Variants in NTN1 observed in about 807,000 individuals in gnomAD.
NTN1 encodes netrin 1.
NTN1 carries 11 observed loss-of-function variants against 54.2 expected under a neutral mutation model. The ratio of observed to expected loss-of-function variants is 0.20; its 90% CI spans 0.13 to 0.34. The LOEUF (loss-of-function observed/expected upper bound fraction) is 0.34, where lower values mean the gene tolerates loss of function less well. Among genes scored for constraint, NTN1 ranks in the 10% least tolerant of loss-of-function variants. The probability of loss-of-function intolerance (pLI) is 1.00; values close to 1 mark genes in which losing one functional copy is unlikely to be tolerated. For synonymous variants in NTN1, 371 were observed against 382.0 expected, an observed-to-expected ratio of 0.97 and a Z score of 0.33; for missense variants, 740 against 893.1, an observed-to-expected ratio of 0.83 and a Z score of 2.18.
At chr17:9,220,788 C>T (rs998647363) in intron 5 of NTN1, among the ~76,000 whole-genome samples, 2 of 152,168 alleles carry the variant, frequency 1.3e-5, no homozygotes, top group African/African-American at 2.4e-5. Flanking sequence ...ACCCAGGGCG[C>T]GGGGTGACAA....
At chr17:9,109,061 G>C (rs905050323) in intron 2 of NTN1, among the ~76,000 whole-genome samples, 1 of 152,054 alleles carries the variant, frequency 6.6e-6, no homozygotes, top group Non-Finnish European at 1.5e-5. Flanking sequence ...ATTTTTAGTA[G>C]AGACGGGGTT....
chr17:9,004,967 A>G, the NTN1 span, among the ~76,000 whole-genome samples: 3 of 152,182 alleles, frequency 2.0e-5, no homozygotes, highest in East Asian at 5.8e-4. Context: ...TTCTGAGTGG[A>G]AGTCATCCCT....
chr17:9,005,413 G>A, the NTN1 span, among the ~76,000 whole-genome samples: 9 of 151,302 alleles, frequency 5.9e-5, no homozygotes, highest in Non-Finnish European at 1.2e-4. Context: ...ACTTCCAACC[G>A]CCCCCACCCC....
chr17:9,092,479 A>T (rs1229182454), intron 2 of NTN1, among the ~76,000 whole-genome samples: 1 of 148,544 alleles, frequency 6.7e-6, no homozygotes. Context: ...TAGTAGAGAC[A>T]GGGTTTCATG....
At chr17:9,021,427 G>A (rs1339363847), upstream of NTN1, 1 of 151,502 alleles carries the variant, frequency 6.6e-6, no homozygotes, top group East Asian at 2.0e-4. Context: ...TTTGCTCGGA[G>A]CTGGCGGCAG....
At chr17:9,179,711 A>G in intron 3 of NTN1, 96 bp from the exon 4 acceptor site, 2 of 1,423,044 alleles carry the variant, frequency 1.4e-6, no homozygotes, top group South Asian at 1.4e-5. Flanking sequence ...CCTCCAGGGC[A>G]GGGTCCATGG....
rs866030189 is a variant in NTN1, at chr17:9,032,577, G to A, written c.1018+9186G>A. 2.6e-5 allele frequency among the ~76,000 whole-genome samples: 4 copies of A among 152,226 alleles called. No individual in the cohort carries two copies. In the South Asian group the frequency reaches 8.3e-4, roughly 32 times the overall value. On this transcript the variant is annotated intron_variant, in intron 2 of 6. Transcript: ENST00000173229. The stretch of plus-strand genomic sequence containing the variant: ...CCACTGCCCTCAGTGCTCTGCTTAC[G>A]TTTGGGCTGGTGCAGAAAGTGCCGA...
chr17:9,019,805 T>C (rs754573485), upstream of NTN1, among the ~76,000 whole-genome samples: 73 of 152,268 alleles, frequency 4.8e-4, no homozygotes, highest in Admixed American at 6.5e-5. Flanking sequence ...AACCATTTCA[T>C]TTATTTCCTT....
chr17:9,190,084 G>A (rs369781984), intron 5 of NTN1, among the ~76,000 whole-genome samples: 11 of 152,300 alleles, frequency 7.2e-5, no homozygotes, highest in African/African-American at 2.2e-4. Flanking sequence ...ACGTACAAAG[G>A]TCAGCATGGC....
At chr17:9,131,334 C>T (rs1053977908) in intron 2 of NTN1, among the ~76,000 whole-genome samples, 1 of 152,186 alleles carries the variant, frequency 6.6e-6, no homozygotes, top group Non-Finnish European at 1.5e-5. Context: ...GCGCTGTGTT[C>T]ATTGTTTCTC....
In NTN1 at chr17:9,219,538, T is replaced by G. The variant is rs1350628219; in HGVS notation, c.1412-1630T>G. On this transcript the variant is annotated intron_variant, in intron 5 of 6. Transcript: ENST00000173229. The surrounding 1 kb of genome is among the most constrained non-coding windows in gnomAD (Gnocchi z 4.5). ...GCTACCACACCCATGGCCCCCAAGG[T>G]AGTGGGATAGAGCTGCATTGATCTT... Among the ~76,000 whole-genome samples, 1 of 152,098 alleles carries G rather than the reference T, an allele frequency of 6.6e-6. No homozygotes were observed. Among genetic ancestry groups the G allele is most frequent in the Non-Finnish European group, 1.5e-5 (1 of 68,004 alleles).
chr17:9,167,809 T>G (rs1341319596), intron 3 of NTN1, among the ~76,000 whole-genome samples: 2 of 152,346 alleles, frequency 1.3e-5, no homozygotes, highest in South Asian at 4.1e-4. Context: ...TGCAGGGGAC[T>G]CCCCATGACT....
At chr17:9,047,267 G>A (rs1411391113) in intron 2 of NTN1, among the ~76,000 whole-genome samples, 1 of 152,174 alleles carries the variant, frequency 6.6e-6, no homozygotes, top group Non-Finnish European at 1.5e-5. Flanking sequence ...TTTCATGAAA[G>A]ATTTTGCTGT....
intron 2 of NTN1, among the ~76,000 whole-genome samples, chr17:9,095,495 C>T (rs755591371): frequency 3.3e-5 from 5 of 152,350 alleles, no homozygotes; most frequent in East Asian, 1.9e-4. Flanking sequence ...CTTTCCCTAA[C>T]GCATTCGAAA....
At chr17:9,084,009 A>G (rs551657583) in intron 2 of NTN1, among the ~76,000 whole-genome samples, 4 of 152,344 alleles carry the variant, frequency 2.6e-5, no homozygotes, top group South Asian at 2.1e-4. Flanking sequence ...AAAAGCGTCT[A>G]TCATGGGGGT....
Position 9,239,986 on chromosome 17 carries a change from G to C in NTN1, c.*18G>C. 9 of 1,285,304 alleles carry C rather than the reference G, an allele frequency of 7.0e-6. No individual in the cohort carries two copies. Among genetic ancestry groups the C allele is most frequent in the Non-Finnish European group, 9.0e-6 (9 of 1,001,858 alleles). The allele number at this position is 1,285,304 out of a possible 1,614,324, so 79.6% of individuals were successfully genotyped here. ...AGGCCTAGCGCCGAGGCAGCGGGCG[G>C]GCGGGCGGGCGGGCGCCAGGGCGGG... On this transcript the variant is annotated 3_prime_UTR_variant, in exon 7 of 7. Coordinates refer to ENST00000173229, the MANE Select transcript of NTN1 (RefSeq NM_004822.3). The surrounding 1 kb of genome is among the most constrained non-coding windows in gnomAD (Gnocchi z 5.2).
intron 3 of NTN1, chr17:9,178,885 T>C (rs2092409262): frequency 1.3e-5 from 2 of 152,262 alleles, no homozygotes; most frequent in African/African-American, 4.8e-5. Flanking sequence ...TGAGCATCTG[T>C]GTTGGTGGGA....
intron 2 of NTN1, among the ~76,000 whole-genome samples, chr17:9,090,279 G>A (rs979387391): frequency 6.6e-6 from 1 of 151,500 alleles, no homozygotes; most frequent in Admixed American, 6.6e-5. Context: ...GGATTCAAGC[G>A]ATTGTCTTGC....
rs9898188 is a variant in NTN1 at position 9,126,458 on chromosome 17, C to T, written c.1019-36355C>T. Among the ~76,000 whole-genome samples, 1,143 of 115,474 alleles carry T rather than the reference C, an allele frequency of 9.9e-3. 13 individuals carry two copies. The highest frequency in any genetic ancestry group is 0.035 in the African/African-American group (1,038 of 29,676). The allele number at this position is 115,474 out of a possible 152,430, so 75.8% of individuals were successfully genotyped here. A position where few individuals can be genotyped will look rare whatever the true frequency, so the allele number is the denominator to read the frequency against. ...CTGGGAGGCGGAGGTTGCGGTGAGC[C>T]GAGATCGTGCCATTGCACTCCCAGC... is the stretch of plus-strand genomic sequence containing the variant. On this transcript the variant is annotated intron_variant, in intron 2 of 6. Coordinates refer to ENST00000173229, the MANE Select transcript of NTN1 (RefSeq NM_004822.3).
Sources: gnomAD v4.1 joint callset for allele counts (sites outside exome capture counted in the v4.1 genomes callset) on GRCh38, gnomAD v4.1.1 for gene constraint, Gnocchi (gnomAD v3.1) non-coding constraint, MANE v1.5 for transcripts, NCBI Gene and HGNC (gene_info 2026-07-23, HGNC 2026-07-21) for gene names.